ASTN2: variants seen among roughly 807,000 people sequenced by gnomAD.
The protein encoded by ASTN2 is astrotactin-2.
A neutral mutation model predicts 139.8 loss-of-function variants in ASTN2; 54 were observed. The ratio of observed to expected loss-of-function variants is 0.39; its 90% CI spans 0.31 to 0.48. ASTN2 has a LOEUF of 0.48. Ranked by LOEUF, ASTN2 falls within the 20% of genes least tolerant of loss-of-function variation. The pLI is 0.95. For missense variants in ASTN2, 1,565 were observed against 1,725.1 expected (o/e 0.91, Z 1.64); for synonymous variants, 756 against 719.5 (o/e 1.05, Z -0.81).
chr9:116,907,523 G>A (rs1352970251), intron 10 of ASTN2, among the ~76,000 whole-genome samples: 1 of 152,176 alleles, frequency 6.6e-6, no homozygotes. Flanking sequence ...CTGCCTTCAT[G>A]GGCTCTCCCA....
intron 5 of ASTN2, among the ~76,000 whole-genome samples, chr9:117,074,819 A>T (rs1828236654): frequency 6.6e-6 from 1 of 152,208 alleles, no homozygotes; most frequent in African/African-American, 2.4e-5. Context: ...ATATTTATGT[A>T]TATGCATAGG....
At chr9:116,732,430 G>A (rs1828810239) in intron 14 of ASTN2, among the ~76,000 whole-genome samples, 1 of 152,208 alleles carries the variant, frequency 6.6e-6, no homozygotes. Context: ...TGATGGGGAA[G>A]TCAGACAGAG....
At chr9:117,011,506 T>C (rs891801513) in intron 6 of ASTN2, among the ~76,000 whole-genome samples, 4 of 152,246 alleles carry the variant, frequency 2.6e-5, no homozygotes, top group Admixed American at 2.0e-4. Context: ...TCTCCAGAAC[T>C]GTAAGAAATA....
chr9:117,083,099 A>G (rs1027610573), intron 5 of ASTN2, among the ~76,000 whole-genome samples: 2 of 152,030 alleles, frequency 1.3e-5, no homozygotes, highest in African/African-American at 4.8e-5. Context: ...TTCCTCTGGC[A>G]TGACTAGAAA....
intron 4 of ASTN2, among the ~76,000 whole-genome samples, chr9:117,112,181 C>T (rs1829267449): frequency 6.6e-6 from 1 of 151,098 alleles, no homozygotes; most frequent in African/African-American, 2.4e-5. Flanking sequence ...TTGTAATACT[C>T]AATATTGTTA....
chr9:117,205,934 C>G (rs1037714011), intron 3 of ASTN2, among the ~76,000 whole-genome samples: 1 of 152,180 alleles, frequency 6.6e-6, no homozygotes, highest in Non-Finnish European at 1.5e-5. Flanking sequence ...ACATCCTGTG[C>G]TTATGTCCAA....
chr9:116,673,375 T>C (rs1220066945), intron 16 of ASTN2, among the ~76,000 whole-genome samples: 2 of 152,162 alleles, frequency 1.3e-5, no homozygotes, highest in African/African-American at 4.8e-5. Flanking sequence ...TTAAAGACAA[T>C]GAAAGAAAAC....
At chr9:117,376,554 G>T (rs1830129109) in intron 1 of ASTN2, among the ~76,000 whole-genome samples, 1 of 152,156 alleles carries the variant, frequency 6.6e-6, no homozygotes, top group Non-Finnish European at 1.5e-5. Context: ...GCTGAATGTT[G>T]ATAAGTGTGA....
At chr9:116,780,717 C>G (rs1830196455) in intron 13 of ASTN2, among the ~76,000 whole-genome samples, 1 of 152,010 alleles carries the variant, frequency 6.6e-6, no homozygotes, top group African/African-American at 2.4e-5. Context: ...TTTCCATTTC[C>G]CCCTACACAA....
At chr9:116,800,590 C>T (rs976097152) in intron 13 of ASTN2, among the ~76,000 whole-genome samples, 6 of 148,924 alleles carry the variant, frequency 4.0e-5, no homozygotes, top group African/African-American at 1.5e-4. Context: ...TGGGTCCTCA[C>T]TCTACACTGA....
intron 6 of ASTN2, among the ~76,000 whole-genome samples, chr9:117,039,360 A>G (rs74644887): frequency 1.3e-5 from 2 of 152,112 alleles, no homozygotes; most frequent in Non-Finnish European, 2.9e-5. Flanking sequence ...GTTCTCACTC[A>G]TAAGTGGGAG....
chr9:116,533,571 G>A (rs1851466156), intron 19 of ASTN2, among the ~76,000 whole-genome samples: 1 of 152,130 alleles, frequency 6.6e-6, no homozygotes, highest in Admixed American at 6.5e-5. Context: ...TTAGCATGAA[G>A]CGCTGTTGAA....
chr9:117,413,493 G>C (rs1831230466), intron 1 of ASTN2, among the ~76,000 whole-genome samples: 1 of 152,218 alleles, frequency 6.6e-6, no homozygotes, highest in Non-Finnish European at 1.5e-5. Context: ...CGAGCAAGCA[G>C]CGAGCGCGGG....
At chr9:116,872,097 G>A (rs956939421) in intron 10 of ASTN2, among the ~76,000 whole-genome samples, 1 of 152,128 alleles carries the variant, frequency 6.6e-6, no homozygotes, top group Non-Finnish European at 1.5e-5. Context: ...CCAAGTAGCT[G>A]GGACTACAGG....
chr9:116,683,335 A>G (rs1860003899), intron 16 of ASTN2, among the ~76,000 whole-genome samples: 1 of 152,202 alleles, frequency 6.6e-6, no homozygotes, highest in Non-Finnish European at 1.5e-5. Context: ...GGAAACTTCT[A>G]TAATTCTGAT....
chr9:117,085,227 T>C (rs186630163), intron 5 of ASTN2, among the ~76,000 whole-genome samples: 2 of 152,328 alleles, frequency 1.3e-5, no homozygotes, highest in East Asian at 3.9e-4. Flanking sequence ...TCTGGATTGC[T>C]TAGACTATTT....
At chr9:117,127,565 TAGAG>T (rs1336833670) in intron 4 of ASTN2, among the ~76,000 whole-genome samples, 2 of 151,340 alleles carry the variant, frequency 1.3e-5, no homozygotes, top group African/African-American at 4.9e-5. Context: ...ATTTTTACAA[TAGAG>T]AGTTTAATTA....
intron 3 of ASTN2, among the ~76,000 whole-genome samples, chr9:117,182,509 C>T (rs1831100561): frequency 6.6e-6 from 1 of 152,192 alleles, no homozygotes; most frequent in South Asian, 2.1e-4. Flanking sequence ...AATCCAGTTC[C>T]ACCCTATAGC....
intron 10 of ASTN2, among the ~76,000 whole-genome samples, chr9:116,884,880 A>T (rs1192669110): frequency 7.3e-6 from 1 of 136,116 alleles, no homozygotes; most frequent in African/African-American, 2.9e-5. Context: ...CAGTGGCGCT[A>T]TCTTGGCTCA....
Sources: gnomAD v4.1 joint callset for allele counts (sites outside exome capture counted in the v4.1 genomes callset) on GRCh38, gnomAD v4.1.1 for gene constraint, MANE v1.5 for transcripts, NCBI Gene and HGNC (gene_info 2026-07-23, HGNC 2026-07-21) for gene names.